STXBP5L: variants seen among roughly 807,000 people sequenced by gnomAD.
STXBP5L encodes syntaxin-binding protein 5-like.
STXBP5L carries 65 observed loss-of-function variants against 144.5 expected under a neutral mutation model. The ratio of observed to expected loss-of-function variants is 0.45; its 90% CI spans 0.37 to 0.55. The LOEUF (loss-of-function observed/expected upper bound fraction) is 0.55, where lower values mean the gene tolerates loss of function less well. STXBP5L is among the 20% of genes least tolerant of loss of function. The probability of loss-of-function intolerance (pLI) is 0.00; values close to 1 mark genes in which losing one functional copy is unlikely to be tolerated. For synonymous variants in STXBP5L, 505 were observed against 469.6 expected, an observed-to-expected ratio of 1.08 and a Z score of -0.97; for missense variants, 1,298 against 1,405.5, an observed-to-expected ratio of 0.92 and a Z score of 1.22.
At chr3:121,313,682 C>T (rs1419128399) in intron 19 of STXBP5L, among the ~76,000 whole-genome samples, 2 of 64,028 alleles carry the variant, frequency 3.1e-5, no homozygotes, top group Non-Finnish European at 6.2e-5. Context: ...TAGGGGCAGC[C>T]GGGCAGAGGA....
chr3:120,952,110 A>T (rs964321750), intron 2 of STXBP5L, among the ~76,000 whole-genome samples: 1 of 147,218 alleles, frequency 6.8e-6, no homozygotes, highest in African/African-American at 2.5e-5. Flanking sequence ...AACAATGAGA[A>T]CACATGGATA....
At position 121,410,193 on chromosome 3, in the gene STXBP5L, A is replaced by T. The variant is rs368010828; in HGVS notation, c.2948+2590A>T. ...ATGCCTCAGATTTGGGGGGGAAAAA[A>T]GGTCTATTTGTGTATGTGTGTAAAT... is the stretch of plus-strand genomic sequence containing the variant. On this transcript the variant is annotated intron_variant, in intron 23 of 26. Coordinates refer to ENST00000471454, the MANE Select transcript of STXBP5L (RefSeq NM_001308330.2). Among the ~76,000 whole-genome samples, 14 of 151,788 alleles carry T rather than the reference A, an allele frequency of 9.2e-5. No homozygotes were observed. The East Asian group carries it at 2.5e-3, about 27-fold the overall frequency.
intron 11 of STXBP5L, among the ~76,000 whole-genome samples, chr3:121,228,003 CA>C (rs2049175180): frequency 6.6e-6 from 1 of 152,018 alleles, no homozygotes; most frequent in Admixed American, 6.6e-5. Flanking sequence ...AATTTTAGGC[CA>C]AAAGGCTTAA....
chr3:121,216,612 G>A (rs922830216), intron 10 of STXBP5L, among the ~76,000 whole-genome samples: 1 of 152,216 alleles, frequency 6.6e-6, no homozygotes, highest in South Asian at 2.1e-4. Flanking sequence ...TGTATGTGGT[G>A]TCTGTCGATC....
intron 3 of STXBP5L, among the ~76,000 whole-genome samples, chr3:120,990,889 C>A (rs1942786705): frequency 6.6e-6 from 1 of 152,096 alleles, no homozygotes; most frequent in South Asian, 2.1e-4. Context: ...AGAAGAAAAC[C>A]TAGGCAATAC....
intron 3 of STXBP5L, among the ~76,000 whole-genome samples, chr3:121,009,142 G>A (rs930572006): frequency 6.6e-6 from 1 of 151,944 alleles, no homozygotes; most frequent in Non-Finnish European, 1.5e-5. Context: ...CAGTGGGGTG[G>A]CTGAGGACAG....
chr3:121,273,615 C>G (rs2050792310), intron 18 of STXBP5L, among the ~76,000 whole-genome samples: 1 of 152,058 alleles, frequency 6.6e-6, no homozygotes, highest in Non-Finnish European at 1.5e-5. Flanking sequence ...CTCTCTCTTC[C>G]TCTGAATCTC....
At chr3:121,094,843 A>T (rs546464733) in intron 5 of STXBP5L, among the ~76,000 whole-genome samples, 1 of 151,724 alleles carries the variant, frequency 6.6e-6, no homozygotes, top group Non-Finnish European at 1.5e-5. Context: ...TTTGCTCGTT[A>T]GTTGATGCAG....
intron 5 of STXBP5L, among the ~76,000 whole-genome samples, chr3:121,094,586 G>T (rs1444646839): frequency 6.6e-6 from 1 of 151,866 alleles, no homozygotes; most frequent in Non-Finnish European, 1.5e-5. Flanking sequence ...CAGAGACTAG[G>T]ATTGCAACCC....
At chr3:121,029,909 C>T (rs1946241501) in intron 3 of STXBP5L, among the ~76,000 whole-genome samples, 1 of 151,666 alleles carries the variant, frequency 6.6e-6, no homozygotes, top group African/African-American at 2.4e-5. Flanking sequence ...TTTATGAGGC[C>T]CACATACATA....
intron 9 of STXBP5L, among the ~76,000 whole-genome samples, chr3:121,169,025 G>A (rs757465531): frequency 1.3e-5 from 2 of 152,166 alleles, no homozygotes; most frequent in Non-Finnish European, 2.9e-5. Context: ...AGAGAGTGGG[G>A]ACCAATATGC....
intron 11 of STXBP5L, among the ~76,000 whole-genome samples, chr3:121,227,219 T>A (rs1028244168): frequency 2.0e-5 from 3 of 152,198 alleles, no homozygotes; most frequent in Non-Finnish European, 4.4e-5. Flanking sequence ...TTTCCTTGAA[T>A]TTGGAAAACA....
chr3:121,188,470 A>C (rs1255559034), intron 9 of STXBP5L, among the ~76,000 whole-genome samples: 1 of 149,788 alleles, frequency 6.7e-6, no homozygotes, highest in Non-Finnish European at 1.5e-5. Flanking sequence ...CAAAGCCTTC[A>C]TTCATACCAA....
intron 20 of STXBP5L, among the ~76,000 whole-genome samples, chr3:121,332,686 G>GA: frequency 6.6e-6 from 1 of 152,132 alleles, no homozygotes; most frequent in East Asian, 1.9e-4. Context: ...AAAAAGTCTA[G>GA]AAAACCTATC....
At position 121,021,242 on chromosome 3, in the gene STXBP5L, A is replaced by G. The variant is rs138885386; in HGVS notation, c.288-20458A>G. ...ACAATCCTAAATATACAGGCAACCC[A>G]CACTGGAGCTCCCAAATTTATAAAA... On this transcript the variant is annotated intron_variant, in intron 3 of 26. Coordinates refer to ENST00000471454, the MANE Select transcript of STXBP5L (RefSeq NM_001308330.2). Among the ~76,000 whole-genome samples, 463 of 152,312 alleles carry G rather than the reference A, an allele frequency of 3.0e-3. 3 individuals are homozygous for G. The highest frequency in any genetic ancestry group is 0.01 in the African/African-American group (432 of 41,582).
chr3:121,143,882 G>GA (rs539303593), intron 7 of STXBP5L, among the ~76,000 whole-genome samples: 92 of 151,734 alleles, frequency 6.1e-4, no homozygotes, highest in Middle Eastern at 6.8e-3. Context: ...GAAATATGTA[G>GA]AAAAAACGTA....
chr3:121,118,116 A>G (rs964584686), intron 6 of STXBP5L, among the ~76,000 whole-genome samples: 1 of 151,742 alleles, frequency 6.6e-6, no homozygotes, highest in Non-Finnish European at 1.5e-5. Flanking sequence ...CTATTATATG[A>G]TAGATACTAG....
At chr3:121,198,834 A>T (rs540999211) in intron 9 of STXBP5L, among the ~76,000 whole-genome samples, 14 of 152,140 alleles carry the variant, frequency 9.2e-5, no homozygotes, top group Admixed American at 9.2e-4. Flanking sequence ...GTTCTGTTTC[A>T]TTGGTCTATA....
chr3:121,408,365 G>A (rs991399735), intron 23 of STXBP5L, among the ~76,000 whole-genome samples: 6 of 151,896 alleles, frequency 4.0e-5, no homozygotes, highest in Non-Finnish European at 8.8e-5. Flanking sequence ...ATTGAGATGA[G>A]CACTGTGCTA....
Sources: gnomAD v4.1 joint callset for allele counts (sites outside exome capture counted in the v4.1 genomes callset) on GRCh38, gnomAD v4.1.1 for gene constraint, MANE v1.5 for transcripts, NCBI Gene and HGNC (gene_info 2026-07-23, HGNC 2026-07-21) for gene names.